SLC44A5: variants seen among roughly 807,000 people sequenced by gnomAD.
The protein encoded by SLC44A5 is choline transporter-like protein 5.
Under a neutral mutation model 101.8 loss-of-function variants are expected in SLC44A5, and 57 were observed. The observed-to-expected ratio is 0.56, with a 90% confidence interval of 0.45 to 0.70. The LOEUF (loss-of-function observed/expected upper bound fraction) is 0.70, where lower values mean the gene tolerates loss of function less well. Among genes scored for constraint, SLC44A5 ranks in the 30% least tolerant of loss-of-function variants. The pLI is 0.00. For missense variants in SLC44A5, 737 were observed against 853.1 expected, an observed-to-expected ratio of 0.86 and a Z score of 1.70; for synonymous variants, 281 against 290.9, an observed-to-expected ratio of 0.97 and a Z score of 0.35.
chr1:75,451,160 T>C (rs1665886580), intron 2 of SLC44A5, among the ~76,000 whole-genome samples: 3 of 152,172 alleles, frequency 2.0e-5, no homozygotes, highest in African/African-American at 7.2e-5. Flanking sequence ...GACTTCTAGG[T>C]GGGCCATCTT....
chr1:75,570,359 C>T (rs888467519), intron 1 of SLC44A5, among the ~76,000 whole-genome samples: 7 of 152,010 alleles, frequency 4.6e-5, no homozygotes, highest in East Asian at 1.9e-4. Context: ...GAGAAGTGAA[C>T]GAAACACAGA....
intron 3 of SLC44A5, among the ~76,000 whole-genome samples, chr1:75,365,593 T>C (rs1659799157): frequency 6.6e-6 from 1 of 152,186 alleles, no homozygotes; most frequent in Non-Finnish European, 1.5e-5. Flanking sequence ...TATATTTATG[T>C]TCATCGCAGC....
At chr1:75,389,911 T>C (rs959384266) in intron 3 of SLC44A5, among the ~76,000 whole-genome samples, 12 of 151,880 alleles carry the variant, frequency 7.9e-5, no homozygotes, top group Non-Finnish European at 1.2e-4. Flanking sequence ...ATAACGCCAA[T>C]AGACTACTAG....
At chr1:75,259,938 T>C (rs1650349035) in intron 6 of SLC44A5, among the ~76,000 whole-genome samples, 1 of 152,104 alleles carries the variant, frequency 6.6e-6, no homozygotes, top group African/African-American at 2.4e-5. Context: ...CTAAGCTTCA[T>C]AAGTGAAGGA....
intron 2 of SLC44A5, among the ~76,000 whole-genome samples, chr1:75,485,111 T>C (rs998144689): frequency 1.3e-5 from 2 of 152,272 alleles, no homozygotes; most frequent in Non-Finnish European, 2.9e-5. Context: ...TCTTTACTTA[T>C]GCAAATTCTA....
rs542499680 is a variant in SLC44A5, at chr1:75,218,328, A to C, written c.1529+162T>G. ...AATTGGCTTGGGTAGGGATTGTAAAACTGGCTATGAAACCAGACAAAACCA... is the reference window on the plus strand; with the variant it reads ...AATTGGCTTGGGTAGGGATTGTAAACCTGGCTATGAAACCAGACAAAACCA... On this transcript the variant is annotated intron_variant, in intron 17 of 23. Coordinates refer to ENST00000370859, the MANE Select transcript of SLC44A5 (RefSeq NM_001130058.2). Among the ~76,000 whole-genome samples the C allele has an allele frequency of 4.5e-4, 69 of 152,194 alleles. 1 individual carries two copies. Among genetic ancestry groups the C allele is most frequent in the Non-Finnish European group, 3.2e-4 (22 of 67,986 alleles).
At chr1:75,516,236 C>T (rs916048460) in intron 2 of SLC44A5, among the ~76,000 whole-genome samples, 1 of 152,168 alleles carries the variant, frequency 6.6e-6, no homozygotes, top group African/African-American at 2.4e-5. Flanking sequence ...AAACACAGGC[C>T]GGGCGCGGTG....
chr1:75,676,524 C>T, the SLC44A5 span, among the ~76,000 whole-genome samples: 1 of 152,052 alleles, frequency 6.6e-6, no homozygotes, highest in African/African-American at 2.4e-5. Context: ...TGGAGAATAA[C>T]ACACACTGGG....
At chr1:75,399,448 G>T (rs1282642579) in intron 2 of SLC44A5, among the ~76,000 whole-genome samples, 1 of 152,152 alleles carries the variant, frequency 6.6e-6, no homozygotes, top group Admixed American at 6.6e-5. Flanking sequence ...GAGGGCAATA[G>T]GTCAGTGTCA....
At chr1:75,528,566 TCTC>T (rs941781727) in intron 2 of SLC44A5, among the ~76,000 whole-genome samples, 3 of 152,068 alleles carry the variant, frequency 2.0e-5, no homozygotes, top group African/African-American at 7.2e-5. Flanking sequence ...TGTGCGACAG[TCTC>T]CTCATTTGTC....
chr1:75,533,868 T>A (rs542741671), intron 2 of SLC44A5, among the ~76,000 whole-genome samples: 56 of 152,244 alleles, frequency 3.7e-4, no homozygotes, highest in Non-Finnish European at 1.0e-4. Flanking sequence ...TCTCAAAGAC[T>A]ATGTATCCTT....
At chr1:75,393,704 A>G (rs1261102932) in intron 3 of SLC44A5, among the ~76,000 whole-genome samples, 1 of 152,204 alleles carries the variant, frequency 6.6e-6, no homozygotes, top group Non-Finnish European at 1.5e-5. Context: ...TCACTTCACA[A>G]CTTGATTTTG....
intron 2 of SLC44A5, among the ~76,000 whole-genome samples, chr1:75,483,024 T>C (rs56017446): frequency 6.6e-6 from 1 of 152,168 alleles, no homozygotes; most frequent in African/African-American, 2.4e-5. Context: ...TAAATTACAC[T>C]TTTATTCACA....
At chr1:75,220,121 TC>T (rs1472417617) in intron 14 of SLC44A5, among the ~76,000 whole-genome samples, 1 of 152,146 alleles carries the variant, frequency 6.6e-6, no homozygotes, top group African/African-American at 2.4e-5. Flanking sequence ...CCTCAAATTT[TC>T]CTCCCTTTGG....
chr1:75,679,691 G>T, the SLC44A5 span, among the ~76,000 whole-genome samples: 1 of 152,018 alleles, frequency 6.6e-6, no homozygotes, highest in Admixed American at 6.6e-5. Context: ...AGACTAGGAA[G>T]AAACTGCATC....
At chr1:75,295,137 T>C (rs75747288) in intron 5 of SLC44A5, among the ~76,000 whole-genome samples, 7,271 of 152,250 alleles carry the variant, frequency 0.048, 236 homozygotes, top group Middle Eastern at 0.12. Context: ...AAATACCAGG[T>C]TGTACACCTT....
chr1:75,377,138 G>A (rs1439807648), intron 3 of SLC44A5, among the ~76,000 whole-genome samples: 1 of 151,454 alleles, frequency 6.6e-6, no homozygotes, highest in Non-Finnish European at 1.5e-5. Flanking sequence ...GTAGAAAGAA[G>A]TAGACATAGG....
intron 3 of SLC44A5, among the ~76,000 whole-genome samples, chr1:75,387,310 A>G (rs1450598783): frequency 5.4e-5 from 8 of 148,982 alleles, no homozygotes; most frequent in Non-Finnish European, 1.2e-4. Context: ...CAACCTACTC[A>G]TCTGACAAAG....
chr1:75,426,458 C>T (rs928861263), intron 2 of SLC44A5, among the ~76,000 whole-genome samples: 4 of 152,162 alleles, frequency 2.6e-5, no homozygotes, highest in African/African-American at 9.7e-5. Flanking sequence ...TTAAAAGCTA[C>T]AGTTAATATG....
Sources: allele counts gnomAD v4.1 joint callset (sites outside exome capture counted in the v4.1 genomes callset), GRCh38; gene constraint gnomAD v4.1.1; transcripts MANE v1.5; gene names NCBI Gene and HGNC (gene_info 2026-07-23, HGNC 2026-07-21).